FAT1: variants seen among roughly 807,000 people sequenced by gnomAD.
The protein encoded by FAT1 is FAT atypical cadherin 1, also known as protocadherin Fat 1.
Under a neutral mutation model 329.8 loss-of-function variants are expected in FAT1, and 171 were observed. That is an observed-to-expected ratio of 0.52 (90% CI 0.46 to 0.59). The LOEUF is 0.59. FAT1 is among the 20% of genes least tolerant of loss of function. The pLI, the probability that FAT1 is intolerant of heterozygous loss-of-function variation, is 0.00. For synonymous variants in FAT1, 2,233 were observed against 2,228.6 expected, an observed-to-expected ratio of 1.00 and a Z score of -0.06; for missense variants, 5,672 against 5,774.4, an observed-to-expected ratio of 0.98 and a Z score of 0.57.
upstream of FAT1, among the ~76,000 whole-genome samples, chr4:186,724,183 TAAAAAAA>T (rs59026469): frequency 5.6e-5 from 4 of 71,320 alleles, no homozygotes; most frequent in African/African-American, 6.3e-5. This position sits in a 1 kb window ranked among gnomAD's most constrained non-coding sequence, Gnocchi z 5.3. Context: ...TTAGCTTAGC[TAAAAAAA>T]AAAAAAAAAA....
intron 11 of FAT1, 108 bp downstream of exon 11, chr4:186,616,897 G>T: frequency 1.0e-6 from 1 of 962,768 alleles, no homozygotes; most frequent in South Asian, 1.6e-5. Context: ...ATCAGTAAGT[G>T]ATCATAAAAC....
rs1738129617 is a variant in FAT1 at position 186,589,327 on chromosome 4, C to T, written c.13139-107G>A. On this transcript the variant is annotated intron_variant, in intron 26 of 26. Transcript: ENST00000441802. ...CACAAAGATGCAACCGCATTTATGC[C>T]TTCATTCAAAGTTCACCACTGGAAA... The T allele has an allele frequency of 4.0e-6, 5 of 1,246,728 alleles. No individual in the cohort carries two copies. The South Asian group carries it at 7.4e-5, about 18-fold the overall frequency. The allele number at this position is 1,246,728 out of a possible 1,614,324, so 77.2% of individuals were successfully genotyped here.
At chr4:186,604,672 C>T (rs1281019787) in intron 17 of FAT1, 98 bp from the exon 18 acceptor site, 4 of 737,692 alleles carry the variant, frequency 5.4e-6, no homozygotes, top group Non-Finnish European at 8.5e-6. Flanking sequence ...AAAATACATA[C>T]AAAACAAAGC....
rs1739804352 is a variant in FAT1, at chr4:186,618,071, C to T, written c.8515G>A (p.Gly2839Arg). 6.2e-7 allele frequency: 1 copy of T among 1,613,912 alleles called. No homozygotes were observed. The change falls in exon 10 of 27, where the codon GGA becomes AGA. Residue 2839 changes from glycine (G) to arginine (R), a missense_variant. Physicochemically the swap from Gly to Arg is moderately radical, Grantham distance 125 (BLOSUM62 -2). This residue lies in a region of FAT1 where 3,966 missense variants were observed against 3,915.2 expected (regional missense o/e 1.01). Coordinates refer to ENST00000441802, the MANE Select transcript of FAT1 (RefSeq NM_005245.4). ...IQIRASDADSGTNGQVMYSLD... is the reference protein window; with the variant it reads ...IQIRASDADSRTNGQVMYSLD... ...CTATACATAACTTGGCCGTTGGTTC[C>T]TGAGTCAGCATCAGATGCCCTGATC...
chr4:186,657,080 G>A lies in FAT1; in HGVS notation c.3580+6219C>T, dbSNP rs1032903209. Among the ~76,000 whole-genome samples the A allele has an allele frequency of 3.9e-5, 6 of 152,070 alleles. No homozygotes were observed. The East Asian group carries it at 7.7e-4, about 20-fold the overall frequency. On this transcript the variant is annotated intron_variant, in intron 3 of 26. Transcript: ENST00000441802. ...GAGAAACAGATGAGGGGACACCCAC[G>A]ATCGCAGCAGCTTTCTGCCTTGAGA...
At chr4:186,662,841 AT>A (rs34295738) in intron 3 of FAT1, among the ~76,000 whole-genome samples, 15,357 of 147,680 alleles carry the variant, frequency 0.1, 1,013 homozygotes, top group African/African-American at 0.19. Flanking sequence ...ATTTAAGCTA[AT>A]TTTTTTTTTT....
intron 2 of FAT1, among the ~76,000 whole-genome samples, chr4:186,705,738 T>G (rs1444712132): frequency 2.6e-5 from 4 of 152,206 alleles, no homozygotes; most frequent in African/African-American, 7.2e-5. Context: ...ATGTACAAAG[T>G]GCAACACACG....
intron 1 of FAT1, among the ~76,000 whole-genome samples, chr4:186,721,810 G>T (rs1360079722): frequency 6.6e-6 from 1 of 152,202 alleles, no homozygotes; most frequent in Non-Finnish European, 1.5e-5. Context: ...TCAGGGGAAT[G>T]AAAACAGAAT....
Position 186,720,469 on chromosome 4 carries a change from C to G in FAT1, c.-19+3195G>C, listed in dbSNP as rs1745417969. 2.0e-5 allele frequency among the ~76,000 whole-genome samples: 3 copies of G among 152,318 alleles called. No homozygotes were observed. In the South Asian group the frequency reaches 6.2e-4, roughly 32 times the overall value. On this transcript the variant is annotated intron_variant, in intron 1 of 26. Coordinates refer to ENST00000441802, the MANE Select transcript of FAT1 (RefSeq NM_005245.4). ...TCTCCACTCATCACACCACAAGCCA[C>G]ACTATGCTTTCTATAACTTGCTTTG...
rs371394820 is a variant in FAT1 at position 186,621,302 on chromosome 4, C to T, written c.5284G>A (p.Ala1762Thr). 5.6e-6 allele frequency: 9 copies of T among 1,613,860 alleles called. No homozygotes were observed. The highest frequency in any genetic ancestry group is 2.2e-5 in the South Asian group (2 of 91,090). Residue 1762 changes from alanine to threonine, a missense_variant, in exon 10 of 27, where the codon GCG becomes ACG. By Grantham distance (58) the Ala-to-Thr change is moderately conservative. Transcript: ENST00000441802. ...LVHLQDENDN[A>T]PVFMQAEYTG... ...TATTCTGCCTGCATAAAAACTGGCG[C>T]GTTGTCATTCTCATCCTGCAAGTGA...
intron 1 of FAT1, among the ~76,000 whole-genome samples, chr4:186,713,242 G>C (rs954302620): frequency 6.6e-6 from 1 of 152,008 alleles, no homozygotes; most frequent in Non-Finnish European, 1.5e-5. Flanking sequence ...GGCTCCTCTG[G>C]AATGTACGTT....
At chr4:186,646,182 C>G (rs1356048849) in intron 3 of FAT1, among the ~76,000 whole-genome samples, 3 of 152,060 alleles carry the variant, frequency 2.0e-5, no homozygotes, top group Non-Finnish European at 1.5e-5. Flanking sequence ...TTCACCTCAC[C>G]CGGCAGGAAA....
At position 186,706,611 on chromosome 4, in the gene FAT1, T is replaced by G. The variant is rs138369597; in HGVS notation, c.3217A>C (p.Ile1073Leu). ...ACACCAACGCCAGAGCCATCTCTAATGGAGTATCGGATCTCCCCATCTCTT... is the reference window on the plus strand; with the variant it reads ...ACACCAACGCCAGAGCCATCTCTAAGGGAGTATCGGATCTCCCCATCTCTT... ...ARRDGEIRYS[I>L]RDGSGVGVFK... is the part of the protein sequence containing the mutation. Residue 1073 changes from isoleucine (I) to leucine (L), a missense_variant, in exon 2 of 27, where the codon ATT (isoleucine) becomes CTT (leucine). Around this residue, in one of 2 missense-constraint regions of FAT1, gnomAD observed 3,966 missense variants for 3,915.2 expected, o/e 1.01. Transcript: ENST00000441802. 2 of 1,613,936 alleles carry G rather than the reference T, an allele frequency of 1.2e-6. No homozygotes were observed. Among genetic ancestry groups the G allele is most frequent in the South Asian group, 2.2e-5 (2 of 91,074 alleles).
chr4:186,696,435 G>A (rs1035814960), intron 2 of FAT1, among the ~76,000 whole-genome samples: 9 of 152,056 alleles, frequency 5.9e-5, no homozygotes, highest in East Asian at 1.9e-4. Flanking sequence ...GCAACAAATC[G>A]AAAGAAGAGG....
At chr4:186,676,794 G>T (rs922567801) in intron 2 of FAT1, among the ~76,000 whole-genome samples, 3 of 152,148 alleles carry the variant, frequency 2.0e-5, no homozygotes, top group Non-Finnish European at 4.4e-5. Context: ...CTGGTGGAAG[G>T]GCCAGTTTTC....
intron 2 of FAT1, among the ~76,000 whole-genome samples, chr4:186,683,456 A>G (rs915645435): frequency 1.3e-5 from 2 of 152,198 alleles, no homozygotes; most frequent in African/African-American, 4.8e-5. Context: ...GAGGCGGTCA[A>G]TAAACGTCAA....
intron 1 of FAT1, among the ~76,000 whole-genome samples, chr4:186,723,045 C>T (rs535057026): frequency 5.9e-5 from 9 of 152,282 alleles, no homozygotes; most frequent in African/African-American, 1.9e-4. Context: ...TAAAAGAAAG[C>T]ATTTTTTTTT....
chr4:186,676,107 A>G (rs1183632881), intron 2 of FAT1, among the ~76,000 whole-genome samples: 1 of 152,166 alleles, frequency 6.6e-6, no homozygotes, highest in African/African-American at 2.4e-5. Flanking sequence ...TGAGAAGGGA[A>G]ACAGCATTTT....
intron 2 of FAT1, among the ~76,000 whole-genome samples, chr4:186,666,913 T>G (rs2126625253): frequency 6.6e-6 from 1 of 152,348 alleles, no homozygotes; most frequent in East Asian, 1.9e-4. Context: ...AAATCTCATC[T>G]TCAGCGCCAG....
Sources: allele counts gnomAD v4.1 joint callset (sites outside exome capture counted in the v4.1 genomes callset), GRCh38; gene constraint gnomAD v4.1.1; regional missense constraint gnomAD v4.1.1; non-coding constraint Gnocchi (gnomAD v3.1); transcripts MANE v1.5; gene names NCBI Gene and HGNC (gene_info 2026-07-23, HGNC 2026-07-21).